CRCP: variants seen among roughly 807,000 people sequenced by gnomAD.
CRCP encodes CGRP receptor component, also known as DNA-directed RNA polymerase III subunit RPC9.
A neutral mutation model predicts 18.5 loss-of-function variants in CRCP; 18 were observed. The ratio of observed to expected loss-of-function variants is 0.97; its 90% confidence interval spans 0.67 to 1.44. The LOEUF (loss-of-function observed/expected upper bound fraction) is 1.44. Ranked by LOEUF, CRCP falls within the 40% of genes most tolerant of loss-of-function variation. CRCP has a pLI of 0.00. For missense variants in CRCP, 130 were observed against 176.4 expected, an observed-to-expected ratio of 0.74 and a Z score of 1.49; for synonymous variants, 53 against 62.9, an observed-to-expected ratio of 0.84 and a Z score of 0.75.
At chr7:66,124,671 A>G (rs1440425794) in intron 1 of CRCP, among the ~76,000 whole-genome samples, 1 of 152,222 alleles carries the variant, frequency 6.6e-6, no homozygotes, top group Non-Finnish European at 1.5e-5. Flanking sequence ...GTGAGCCACA[A>G]TGCCTGGCAT....
At position 66,125,724 on chromosome 7, in the gene CRCP, G is replaced by GA. The variant is rs1584067962; in HGVS notation, c.9-1978dup. Among the ~76,000 whole-genome samples, 2 of 149,392 alleles carry GA rather than the reference G, an allele frequency of 1.3e-5. 1 individual carries two copies. The highest frequency in any genetic ancestry group is 4.0e-4 in the East Asian group (2 of 5,036). On this transcript the variant is annotated intron_variant, in intron 1 of 5. Coordinates refer to ENST00000395326, the MANE Select transcript of CRCP (RefSeq NM_014478.5). Reference sequence around the variant, plus strand: ...CCAAGGACAAATTTCCCACGACGTGGAATATTCTGAATGACAGAGAAGGGG... The same window carrying GA: ...CCAAGGACAAATTTCCCACGACGTGGAAATATTCTGAATGACAGAGAAGGGG...
intron 3 of CRCP, among the ~76,000 whole-genome samples, chr7:66,133,688 G>T (rs1378364433): frequency 6.7e-6 from 1 of 149,062 alleles, no homozygotes; most frequent in Non-Finnish European, 1.5e-5. Context: ...ACAATTGTCA[G>T]ATTGAGGGTT....
chr7:66,116,230 C>A (rs188528839), intron 1 of CRCP, among the ~76,000 whole-genome samples: 83 of 152,150 alleles, frequency 5.5e-4, no homozygotes, highest in Non-Finnish European at 8.5e-4. Flanking sequence ...CGTGGTGGCT[C>A]ACACCAGCAA....
At chr7:66,122,955 CTTT>C (rs199515487) in intron 1 of CRCP, among the ~76,000 whole-genome samples, 183 of 118,726 alleles carry the variant, frequency 1.5e-3, no homozygotes, top group African/African-American at 1.9e-3. Context: ...TTCTTTCTTT[CTTT>C]TTTTTTTTTT....
chr7:66,122,951 CTTTCTTT>C (rs1787491688), intron 1 of CRCP, among the ~76,000 whole-genome samples: 3 of 125,532 alleles, frequency 2.4e-5, no homozygotes, highest in Non-Finnish European at 1.6e-5. Context: ...TTCTTTCTTT[CTTTCTTT>C]TTTTTTTTTT....
chr7:66,142,521 T>G (rs1788170389), intron 4 of CRCP, among the ~76,000 whole-genome samples: 2 of 152,140 alleles, frequency 1.3e-5, no homozygotes, highest in Non-Finnish European at 2.9e-5. Context: ...AACCTATTTT[T>G]CTCGCTCTGT....
At chr7:66,140,425 C>G (rs187675466) in intron 4 of CRCP, among the ~76,000 whole-genome samples, 24 of 146,648 alleles carry the variant, frequency 1.6e-4, no homozygotes, top group African/African-American at 5.5e-4. Context: ...GAGTCTTGCT[C>G]TTGTTACCCA....
chr7:66,150,501 A>G (rs1788426566), intron 5 of CRCP, among the ~76,000 whole-genome samples: 1 of 151,830 alleles, frequency 6.6e-6, no homozygotes, highest in Admixed American at 6.6e-5. Flanking sequence ...CCATCCTGGG[A>G]CACCAGGATT....
intron 1 of CRCP, among the ~76,000 whole-genome samples, chr7:66,122,745 C>T (rs1787484458): frequency 6.6e-6 from 1 of 151,942 alleles, no homozygotes; most frequent in South Asian, 2.1e-4. Context: ...TCTGACAGTT[C>T]GGGAGACTGG....
Position 66,127,747 on chromosome 7 carries a change from T to G in CRCP, c.45+7T>G. On this transcript the variant is annotated splice_region_variant and intron_variant, in intron 2 of 5. Coordinates refer to ENST00000395326, the MANE Select transcript of CRCP (RefSeq NM_014478.5). ...GCTTCTCAGTAACTACGAGGTAAAT[T>G]GGATTGTTACATTTTCCTCTCTGAT... 6.2e-7 allele frequency: 1 copy of G among 1,613,796 alleles called. No homozygotes were observed. The highest frequency in any genetic ancestry group is 1.7e-5 in the Admixed American group (1 of 60,002).
At chr7:66,137,727 G>T (rs1347815121) in intron 4 of CRCP, among the ~76,000 whole-genome samples, 1 of 152,104 alleles carries the variant, frequency 6.6e-6, no homozygotes, top group South Asian at 2.1e-4. Context: ...TTTGTTTTTA[G>T]TAGTTACTGA....
At chr7:66,150,753 A>C (rs1035319125) in intron 5 of CRCP, 1 of 152,150 alleles carries the variant, frequency 6.6e-6, no homozygotes, top group Non-Finnish European at 1.5e-5. Context: ...GCCGGATTTC[A>C]GAGATTGCTG....
At chr7:66,127,834 C>A in intron 2 of CRCP, 94 bp downstream of exon 2, 2 of 1,391,620 alleles carry the variant, frequency 1.4e-6, no homozygotes, top group Non-Finnish European at 2.0e-6. Flanking sequence ...TGAATTCAGG[C>A]TGGGTGCAGT....
At chr7:66,124,026 CAG>C (rs1401600002) in intron 1 of CRCP, among the ~76,000 whole-genome samples, 1 of 98,688 alleles carries the variant, frequency 1.0e-5, no homozygotes, top group Non-Finnish European at 1.8e-5. Context: ...GCCTGGGTGA[CAG>C]AGTGAGACTC....
intron 2 of CRCP, among the ~76,000 whole-genome samples, chr7:66,129,437 A>G (rs1014797645): frequency 1.3e-5 from 2 of 152,160 alleles, no homozygotes; most frequent in Admixed American, 1.3e-4. Flanking sequence ...CAGGAGTTTG[A>G]GGTTACAGTG....
rs776959223 is a variant in CRCP at position 66,114,861 on chromosome 7, C to T, written c.-102C>T. On this transcript the variant is annotated 5_prime_UTR_variant, in exon 1 of 6. Coordinates refer to ENST00000395326, the MANE Select transcript of CRCP (RefSeq NM_014478.5). ...GCGGCGATCCCGGCGAGCACCTTGG[C>T]GCGCGGAGCTGGCACCTTGGCGCTG... 6.3e-7 allele frequency: 1 copy of T among 1,599,952 alleles called. No individual in the cohort carries two copies. Among genetic ancestry groups the T allele is most frequent in the Non-Finnish European group, 8.6e-7 (1 of 1,168,932 alleles).
Position 66,150,804 on chromosome 7 carries a change from A to G in CRCP, c.298-1404A>G, listed in dbSNP as rs372935903. On this transcript the variant is annotated intron_variant, in intron 5 of 5. Coordinates refer to ENST00000395326, the MANE Select transcript of CRCP (RefSeq NM_014478.5). ...AATAGAATCTGGCCACCTTGAGCTG[A>G]GAAAGGTGTTTGTGATTGATGGTTG... 13 of 152,234 alleles carry G rather than the reference A, an allele frequency of 8.5e-5. No individual in the cohort carries two copies. The East Asian group carries it at 2.5e-3, about 29-fold the overall frequency. 9.4% of individuals were successfully genotyped at this position (152,234 alleles called of 1,614,324 possible). A position where few individuals can be genotyped will look rare whatever the true frequency, so the allele number is the denominator to read the frequency against.
intron 3 of CRCP, among the ~76,000 whole-genome samples, chr7:66,131,089 C>T (rs1435667379): frequency 6.6e-6 from 1 of 152,150 alleles, no homozygotes; most frequent in Non-Finnish European, 1.5e-5. Context: ...ATTCTTCTGC[C>T]TCAGCCTCCC....
At position 66,152,359 on chromosome 7, in the gene CRCP, A is replaced by G. The variant is rs1357355973; in HGVS notation, c.*2A>G. The G allele has an allele frequency of 6.2e-7, 1 of 1,614,022 alleles. No homozygotes were observed. The highest frequency in any genetic ancestry group is 8.5e-7 in the Non-Finnish European group (1 of 1,180,024). On this transcript the variant is annotated 3_prime_UTR_variant, in exon 6 of 6. Coordinates refer to ENST00000395326, the MANE Select transcript of CRCP (RefSeq NM_014478.5). ...ATGGACGAAGAGGACCCAGCATAGA[A>G]GAGCACAGCTGGCCCCGGCGTTTCA...
Sources: gnomAD v4.1 joint callset for allele counts (sites outside exome capture counted in the v4.1 genomes callset) on GRCh38, gnomAD v4.1.1 for gene constraint, MANE v1.5 for transcripts, NCBI Gene and HGNC (gene_info 2026-07-23, HGNC 2026-07-21) for gene names.